CTSS: variants seen among roughly 807,000 people sequenced by gnomAD.
CTSS encodes cathepsin S.
CTSS carries 15 observed loss-of-function variants against 39.9 expected under a neutral mutation model. The ratio of observed to expected loss-of-function variants is 0.38; its 90% CI spans 0.25 to 0.58. The LOEUF (loss-of-function observed/expected upper bound fraction) is 0.58, where lower values mean the gene tolerates loss of function less well. Ranked by LOEUF, CTSS falls within the 20% of genes least tolerant of loss-of-function variation. The pLI is 0.70. For missense variants in CTSS, 250 were observed against 398.2 expected, an observed-to-expected ratio of 0.63 and a Z score of 3.17; for synonymous variants, 126 against 138.2, an observed-to-expected ratio of 0.91 and a Z score of 0.62.
chr1:150,758,973 C>T (rs1026863216), intron 2 of CTSS, among the ~76,000 whole-genome samples: 3 of 151,234 alleles, frequency 2.0e-5, no homozygotes, highest in East Asian at 1.9e-4. Flanking sequence ...CTCAGCTGCC[C>T]GAGTAGCTAG....
At chr1:150,753,369 T>A (rs1459687958) in intron 4 of CTSS, among the ~76,000 whole-genome samples, 1 of 152,196 alleles carries the variant, frequency 6.6e-6, no homozygotes, top group Non-Finnish European at 1.5e-5. Flanking sequence ...GGCACATATT[T>A]CATATTCTAA....
At position 150,730,711 on chromosome 1, in the gene CTSS, C is replaced by T. The variant is rs985335843; in HGVS notation, c.*2335G>A. 2.0e-5 allele frequency: 3 copies of T among 152,176 alleles called. No homozygotes were observed. Among genetic ancestry groups the T allele is most frequent in the Non-Finnish European group, 1.5e-5 (1 of 68,040 alleles). The allele number at this position is 152,176 out of a possible 1,614,324, so 9.4% of individuals were successfully genotyped here. A position where few individuals can be genotyped will look rare whatever the true frequency, so the allele number is the denominator to read the frequency against. Reference sequence around the variant, plus strand: ...AGTTAGGATTTTCTTCAATTCTGAACATAGTTCATAAACCACGGTAATATT... The same window carrying T: ...AGTTAGGATTTTCTTCAATTCTGAATATAGTTCATAAACCACGGTAATATT... On this transcript the variant is annotated 3_prime_UTR_variant, in exon 8 of 8. Coordinates refer to ENST00000368985, the MANE Select transcript of CTSS (RefSeq NM_004079.5).
At chr1:150,754,098 A>T (rs374614557) in intron 4 of CTSS, among the ~76,000 whole-genome samples, 1 of 148,174 alleles carries the variant, frequency 6.7e-6, no homozygotes, top group East Asian at 2.0e-4. Context: ...TAACCTACAC[A>T]TCCTCCTATA....
intron 2 of CTSS, 44 bp from the exon 3 acceptor site, chr1:150,758,024 CA>C: frequency 6.4e-7 from 1 of 1,552,410 alleles, no homozygotes; most frequent in East Asian, 2.3e-5. Context: ...GCATCCTGGA[CA>C]AATAAGTGTT....
intron 4 of CTSS, among the ~76,000 whole-genome samples, chr1:150,754,303 G>A (rs1176501217): frequency 6.6e-6 from 1 of 151,202 alleles, no homozygotes; most frequent in Non-Finnish European, 1.5e-5. Flanking sequence ...CAGTAGAGAC[G>A]GGACTTCACC....
intron 7 of CTSS, among the ~76,000 whole-genome samples, chr1:150,742,480 A>G (rs964681035): frequency 6.6e-6 from 1 of 152,154 alleles, no homozygotes; most frequent in African/African-American, 2.4e-5. Flanking sequence ...ATATGAAAAT[A>G]TAGTGGAAGA....
At chr1:150,740,024 G>A (rs986705624) in intron 7 of CTSS, among the ~76,000 whole-genome samples, 7 of 152,172 alleles carry the variant, frequency 4.6e-5, no homozygotes, top group African/African-American at 7.2e-5. Context: ...CTTGAGGGAC[G>A]GTAGAAGAGC....
At position 150,755,082 on chromosome 1, in the gene CTSS, T is replaced by C. The variant is rs1653092662; in HGVS notation, c.318A>G (p.Thr106=). Residue 106 remains threonine, a synonymous_variant, in exon 4 of 8, where the codon ACA becomes ACG. Coordinates refer to ENST00000368985, the MANE Select transcript of CTSS (RefSeq NM_004079.5). Reference sequence around the variant, plus strand: ...ATATCCGATTAGGGTTTGACTTATATGTGATATTTCTCTGCCACTGGCTGG... The same window carrying C: ...ATATCCGATTAGGGTTTGACTTATACGTGATATTTCTCTGCCACTGGCTGG... ...RVPSQWQRNI[T]YKSNPNRILP... 2 of 1,614,058 alleles carry C rather than the reference T, an allele frequency of 1.2e-6. No homozygotes were observed. Among genetic ancestry groups the C allele is most frequent in the South Asian group, 2.2e-5 (2 of 91,094 alleles).
chr1:150,736,308 G>A (rs1652634612), intron 7 of CTSS, among the ~76,000 whole-genome samples: 1 of 152,156 alleles, frequency 6.6e-6, no homozygotes, highest in Non-Finnish European at 1.5e-5. Flanking sequence ...GGGCAGAGTG[G>A]TAAAGTAGCT....
intron 2 of CTSS, among the ~76,000 whole-genome samples, chr1:150,760,592 AT>A (rs1343334450): frequency 6.6e-6 from 1 of 152,234 alleles, no homozygotes; most frequent in Non-Finnish European, 1.5e-5. Flanking sequence ...TAACATGATC[AT>A]ATAGAAAGTC....
At chr1:150,765,103 A>C (rs79306234) in intron 1 of CTSS, among the ~76,000 whole-genome samples, 3 of 126,896 alleles carry the variant, frequency 2.4e-5, no homozygotes, top group Admixed American at 8.1e-5. Flanking sequence ...CTCTCTCTCA[A>C]AAAAAAAAAA....
intron 7 of CTSS, 81 bp downstream of exon 7, chr1:150,747,693 GATC>G (rs966008340): frequency 2.3e-6 from 2 of 875,004 alleles, no homozygotes; most frequent in Non-Finnish European, 1.9e-6. Context: ...TGATCATAAT[GATC>G]ATCATCAAAA....
chr1:150,754,914 G>A (rs1293619481), intron 4 of CTSS, 87 bp downstream of exon 4: 1 of 1,397,468 alleles, frequency 7.2e-7, no homozygotes, highest in East Asian at 2.3e-5. Context: ...ACGTGGGACT[G>A]TAAGATTCAC....
intron 7 of CTSS, among the ~76,000 whole-genome samples, chr1:150,743,604 A>AATATAC (rs2101914003): frequency 1.9e-5 from 2 of 103,768 alleles, no homozygotes; most frequent in Non-Finnish European, 2.0e-5. Flanking sequence ...ATGTATACAT[A>AATATAC]ATATATTATA....
At chr1:150,740,399 T>A (rs1019559928) in intron 7 of CTSS, among the ~76,000 whole-genome samples, 9 of 152,166 alleles carry the variant, frequency 5.9e-5, no homozygotes, top group Non-Finnish European at 1.5e-5. Flanking sequence ...TCCTTCCTTT[T>A]TTGAGACAGA....
intron 7 of CTSS, among the ~76,000 whole-genome samples, chr1:150,737,890 A>T (rs587593734): frequency 1.3e-5 from 2 of 152,344 alleles, no homozygotes; most frequent in South Asian, 4.1e-4. Flanking sequence ...CAAGTGAGGC[A>T]AAGACCTGGA....
chr1:150,738,368 C>T (rs1041623523), intron 7 of CTSS, among the ~76,000 whole-genome samples: 3 of 152,202 alleles, frequency 2.0e-5, no homozygotes, highest in Admixed American at 6.5e-5. Context: ...GCAAGTCTAT[C>T]GGCACAATGT....
At chr1:150,751,348 A>G (rs1653001388) in intron 5 of CTSS, among the ~76,000 whole-genome samples, 1 of 152,050 alleles carries the variant, frequency 6.6e-6, no homozygotes, top group Non-Finnish European at 1.5e-5. Context: ...CCTGAGTTCA[A>G]GCGATTCTCC....
intron 1 of CTSS, among the ~76,000 whole-genome samples, 172 bp downstream of exon 1, chr1:150,765,526 T>C (rs776533174): frequency 2.6e-5 from 4 of 152,164 alleles, no homozygotes; most frequent in Non-Finnish European, 5.9e-5. Context: ...CTTAGATGCT[T>C]AGATGCTCAA....
Sources: allele counts gnomAD v4.1 joint callset (sites outside exome capture counted in the v4.1 genomes callset), GRCh38; gene constraint gnomAD v4.1.1; transcripts MANE v1.5; gene names NCBI Gene and HGNC (gene_info 2026-07-23, HGNC 2026-07-21).